GNA12: variants seen among roughly 807,000 people sequenced by gnomAD.
The protein encoded by GNA12 is guanine nucleotide-binding protein subunit alpha-12.
GNA12 carries 9 observed loss-of-function variants against 26.0 expected under a neutral mutation model. The ratio of observed to expected loss-of-function variants is 0.35; its 90% CI spans 0.21 to 0.60. The LOEUF (loss-of-function observed/expected upper bound fraction) is 0.60. Among genes scored for constraint, GNA12 ranks in the 20% least tolerant of loss-of-function variants. The pLI, the probability that GNA12 is intolerant of heterozygous loss-of-function variation, is 0.78. For missense variants in GNA12, 405 were observed against 525.8 expected, an observed-to-expected ratio of 0.77 and a Z score of 2.25; for synonymous variants, 264 against 219.6, an observed-to-expected ratio of 1.20 and a Z score of -1.79.
chr7:2,831,253 T>C (rs955456081), intron 1 of GNA12, among the ~76,000 whole-genome samples: 1 of 151,974 alleles, frequency 6.6e-6, no homozygotes, highest in Non-Finnish European at 1.5e-5. Flanking sequence ...TCTGACCAGC[T>C]CATCTCCCAG....
intron 1 of GNA12, among the ~76,000 whole-genome samples, chr7:2,795,376 G>C (rs1224612589): frequency 6.6e-6 from 1 of 152,090 alleles, no homozygotes; most frequent in Non-Finnish European, 1.5e-5. Flanking sequence ...CTCACACTGT[G>C]AGCCTCCCCT....
At chr7:2,822,430 G>C (rs946151582) in intron 1 of GNA12, among the ~76,000 whole-genome samples, 13 of 152,204 alleles carry the variant, frequency 8.5e-5, no homozygotes, top group Non-Finnish European at 1.6e-4. Flanking sequence ...TCTTATGGAA[G>C]TCCCCTTCTC....
At chr7:2,769,663 G>T (rs7804264) in intron 2 of GNA12, among the ~76,000 whole-genome samples, 16,191 of 152,088 alleles carry the variant, frequency 0.11, 1,012 homozygotes, top group Middle Eastern at 0.19. Context: ...AACCCGGGAG[G>T]TGGAGCTTGC....
chr7:2,835,963 T>G (rs1332902963), intron 1 of GNA12: 1 of 502,442 alleles, frequency 2.0e-6, no homozygotes, highest in Non-Finnish European at 3.8e-6. Context: ...GTGAGCAGAT[T>G]TGAAAGTTCA....
chr7:2,838,769 G>A (rs562728474), intron 1 of GNA12, among the ~76,000 whole-genome samples: 1 of 152,138 alleles, frequency 6.6e-6, no homozygotes, highest in Non-Finnish European at 1.5e-5. Context: ...ATCTGATAAT[G>A]GAGACTTCAA....
At chr7:2,794,393 C>T (rs1792598687) in intron 2 of GNA12, among the ~76,000 whole-genome samples, 1 of 152,058 alleles carries the variant, frequency 6.6e-6, no homozygotes, top group Admixed American at 6.5e-5. Context: ...AAAAAGCAAA[C>T]AGGCAAAACC....
In GNA12 at chr7:2,785,692, T is replaced by C. The variant is rs1362860280; in HGVS notation, c.525+9236A>G. 3.4e-5 allele frequency among the ~76,000 whole-genome samples: 5 copies of C among 146,584 alleles called. No individual in the cohort carries two copies. The East Asian group carries it at 7.7e-4, about 23-fold the overall frequency. On this transcript the variant is annotated intron_variant, in intron 2 of 3. Transcript: ENST00000275364. ...TCTTCATGTGTAAGTGTATTGTGTA[T>C]GTGCATACACACACACATTTTTCAG...
intron 2 of GNA12, among the ~76,000 whole-genome samples, chr7:2,777,631 CAG>C (rs1792111069): frequency 1.3e-5 from 2 of 152,188 alleles, no homozygotes; most frequent in South Asian, 4.1e-4. Flanking sequence ...TGTGAGGAAG[CAG>C]CAGGAAGGTG....
chr7:2,743,385 T>C lies in GNA12; in HGVS notation c.526-9884A>G, dbSNP rs140876756. On this transcript the variant is annotated intron_variant, in intron 2 of 3. Coordinates refer to ENST00000275364, the MANE Select transcript of GNA12 (RefSeq NM_007353.3). ...AGATATAATTAAATTATTCAAAATA[T>C]GGAAGATATTCATCATCAGGGGCAA... is the stretch of plus-strand genomic sequence containing the variant. Among the ~76,000 whole-genome samples the C allele has an allele frequency of 1.5e-3, 228 of 152,288 alleles. 1 individual carries two copies. Among genetic ancestry groups the C allele is most frequent in the Non-Finnish European group, 2.6e-3 (177 of 68,022 alleles).
At position 2,731,720 on chromosome 7, in the gene GNA12, G is replaced by A. The variant is rs1416801076; in HGVS notation, c.607C>T (p.Leu203=). ...NYFPSKQDIL[L]ARKATKGIVE... ...ATTCCCTTGGTGGCTTTCCTAGCCA[G>A]CAGGATATCTTGCTTACTAGGAAAG... is the stretch of plus-strand genomic sequence containing the variant. The change falls in exon 4 of 4, where the codon CTG becomes TTG. Residue 203 remains leucine, a synonymous_variant. Transcript: ENST00000275364. This position sits in a 1 kb window ranked among gnomAD's most constrained non-coding sequence, Gnocchi z 6.0. 6.4e-7 allele frequency: 1 copy of A among 1,565,200 alleles called. No homozygotes were observed. The highest frequency in any genetic ancestry group is 8.7e-7 in the Non-Finnish European group (1 of 1,150,738).
chr7:2,733,546 A>G, intron 2 of GNA12, 45 bp from the exon 3 acceptor site: 3 of 1,459,282 alleles, frequency 2.1e-6, no homozygotes, highest in Non-Finnish European at 2.9e-6. Flanking sequence ...GGACTGAGGA[A>G]TCCTGATGTG....
At position 2,738,423 on chromosome 7, in the gene GNA12, C is replaced by A. The variant is rs78261614; in HGVS notation, c.526-4922G>T. Among the ~76,000 whole-genome samples, 1,395 of 152,280 alleles carry A rather than the reference C, an allele frequency of 9.2e-3. 14 individuals are homozygous for A. Among genetic ancestry groups the A allele is most frequent in the African/African-American group, 0.032 (1,318 of 41,546 alleles). On this transcript the variant is annotated intron_variant, in intron 2 of 3. Transcript: ENST00000275364. ...TCTCCACGCAGTCAGGGGCTACGCACCGGCGAAGGAGAAGAGCTCCGTGGC... is the reference window on the plus strand; with the variant it reads ...TCTCCACGCAGTCAGGGGCTACGCAACGGCGAAGGAGAAGAGCTCCGTGGC...
At chr7:2,745,988 C>G (rs1204783021) in intron 2 of GNA12, among the ~76,000 whole-genome samples, 1 of 152,182 alleles carries the variant, frequency 6.6e-6, no homozygotes, top group African/African-American at 2.4e-5. Flanking sequence ...AATATATATG[C>G]AAACAATACA....
intron 1 of GNA12, 148 bp downstream of exon 1, chr7:2,843,704 CG>C (rs576398835): frequency 8.6e-5 from 32 of 373,702 alleles, no homozygotes; most frequent in Admixed American, 2.4e-4. Flanking sequence ...GGGAATGGGT[CG>C]GGGGGGAGTG....
intron 2 of GNA12, among the ~76,000 whole-genome samples, chr7:2,737,277 T>TTG (rs1355722823): frequency 1.9e-4 from 13 of 67,616 alleles, no homozygotes; most frequent in African/African-American, 7.2e-4. Context: ...TTGTTTTGTT[T>TTG]TTTTTTTTTT....
chr7:2,827,479 G>A (rs1012010588), intron 1 of GNA12, among the ~76,000 whole-genome samples: 24 of 152,176 alleles, frequency 1.6e-4, no homozygotes, highest in Admixed American at 7.9e-4. Context: ...CTGTGATGTC[G>A]CGTGAGAATT....
Position 2,731,854 on chromosome 7 carries a change from T to C in GNA12, c.577-104A>G, listed in dbSNP as rs1789913570. ...AGATAAGAAGGAAAGAGACTGACTT[T>C]TGCAACAGGTTGAACCAGAAACCAA... On this transcript the variant is annotated intron_variant, in intron 3 of 3. Transcript: ENST00000275364. The surrounding 1 kb of genome is among the most constrained non-coding windows in gnomAD (Gnocchi z 6.0). 6 of 605,798 alleles carry C rather than the reference T, an allele frequency of 9.9e-6. No individual in the cohort carries two copies. The South Asian group carries it at 1.9e-4, about 20-fold the overall frequency. The allele number at this position is 605,798 out of a possible 1,614,324, so 37.5% of individuals were successfully genotyped here. A position where few individuals can be genotyped will look rare whatever the true frequency, so the allele number is the denominator to read the frequency against.
At chr7:2,787,262 C>T (rs1485608200) in intron 2 of GNA12, among the ~76,000 whole-genome samples, 1 of 152,188 alleles carries the variant, frequency 6.6e-6, no homozygotes, top group Admixed American at 6.5e-5. Flanking sequence ...ACCTACATTA[C>T]TTCAAGAGCC....
chr7:2,834,132 CAAAG>C (rs1778761872), intron 1 of GNA12, among the ~76,000 whole-genome samples: 1 of 152,290 alleles, frequency 6.6e-6, no homozygotes, highest in South Asian at 2.1e-4. Flanking sequence ...GACTGCAGTC[CAAAG>C]AAAGCCACCA....
Sources: allele counts gnomAD v4.1 joint callset (sites outside exome capture counted in the v4.1 genomes callset), GRCh38; gene constraint gnomAD v4.1.1; non-coding constraint Gnocchi (gnomAD v3.1); transcripts MANE v1.5; gene names NCBI Gene and HGNC (gene_info 2026-07-23, HGNC 2026-07-21).